VAV1: variants seen among roughly 807,000 people sequenced by gnomAD.
The protein encoded by VAV1 is proto-oncogene vav.
In VAV1, 33 loss-of-function variants were observed where a neutral mutation model predicts 128.1. That is an observed-to-expected ratio of 0.26 (90% CI 0.20 to 0.34). The LOEUF (loss-of-function observed/expected upper bound fraction) is 0.34. Ranked by LOEUF, VAV1 falls within the 10% of genes least tolerant of loss-of-function variation. The probability of loss-of-function intolerance (pLI) is 1.00; values close to 1 mark genes in which losing one functional copy is unlikely to be tolerated. For synonymous variants in VAV1, 394 were observed against 409.8 expected, an observed-to-expected ratio of 0.96 and a Z score of 0.47; for missense variants, 715 against 1,093.7, an observed-to-expected ratio of 0.65 and a Z score of 4.88.
chr19:6,853,870 C>T, intron 25 of VAV1, 77 bp from the exon 26 acceptor site: 1 of 1,558,164 alleles, frequency 6.4e-7, no homozygotes, highest in Non-Finnish European at 8.7e-7. Context: ...GAGTTACTGT[C>T]CTGAGAGCTT....
chr19:6,780,296 T>C (rs1251190080), intron 1 of VAV1, among the ~76,000 whole-genome samples: 1 of 149,998 alleles, frequency 6.7e-6, no homozygotes, highest in African/African-American at 2.4e-5. Context: ...GGGGGATAAG[T>C]GTATTATTAT....
intron 1 of VAV1, among the ~76,000 whole-genome samples, chr19:6,782,719 AAT>A (rs148255206): frequency 2.0e-5 from 3 of 151,250 alleles, no homozygotes. Context: ...ATCTCTACAA[AAT>A]ATATATATAT....
At position 6,832,167 on chromosome 19, in the gene VAV1, A is replaced by T; in HGVS notation, c.1475A>T (p.Lys492Met). The T allele has an allele frequency of 1.2e-6, 2 of 1,614,146 alleles. No homozygotes were observed. Among genetic ancestry groups the T allele is most frequent in the Non-Finnish European group, 1.7e-6 (2 of 1,180,004 alleles). ...CTGTTCTTCAAGACAAGAGAATTGA[A>T]GAAGAAGTGGATGGAGCAGTTTGAG... ...YELFFKTREL[K>M]KKWMEQFEMA... is the part of the protein sequence containing the mutation. The change falls in exon 15 of 27, where the codon AAG becomes ATG. Residue 492 changes from lysine to methionine, a missense_variant. By Grantham distance (95) the Lys-to-Met change is moderately conservative (BLOSUM62 -1). Transcript: ENST00000602142.
intron 19 of VAV1, among the ~76,000 whole-genome samples, chr19:6,835,428 A>T (rs1351034353): frequency 6.6e-6 from 1 of 152,024 alleles, no homozygotes; most frequent in Non-Finnish European, 1.5e-5. Context: ...TCACCTTAAA[A>T]ATTTTTTTGC....
At chr19:6,855,471 G>C (rs1050551313) in intron 26 of VAV1, among the ~76,000 whole-genome samples, 14 of 150,722 alleles carry the variant, frequency 9.3e-5, no homozygotes, top group Admixed American at 8.6e-4. Context: ...ATCCATCTTA[G>C]CCTATGCATC....
At chr19:6,851,153 T>C (rs1210724603) in intron 24 of VAV1, among the ~76,000 whole-genome samples, 1 of 151,840 alleles carries the variant, frequency 6.6e-6, no homozygotes, top group Non-Finnish European at 1.5e-5. Flanking sequence ...TGTTTATTTT[T>C]ATATATATAG....
chr19:6,850,790 C>A (rs1230553060), intron 24 of VAV1, 33 bp downstream of exon 24: 1 of 1,610,670 alleles, frequency 6.2e-7, no homozygotes, highest in Non-Finnish European at 8.5e-7. Flanking sequence ...TCCCAGCTTT[C>A]CAGAACCTAG....
intron 1 of VAV1, among the ~76,000 whole-genome samples, chr19:6,805,774 T>C (rs749907213): frequency 2.6e-5 from 4 of 151,692 alleles, no homozygotes; most frequent in Admixed American, 6.6e-5. Context: ...ACACACTATA[T>C]GAATATTATA....
chr19:6,798,788 G>C (rs1336445007), intron 1 of VAV1, among the ~76,000 whole-genome samples: 1 of 152,108 alleles, frequency 6.6e-6, no homozygotes, highest in Non-Finnish European at 1.5e-5. Context: ...TGGGATTACA[G>C]GTGTGTGCCA....
intron 1 of VAV1, among the ~76,000 whole-genome samples, chr19:6,781,941 G>C (rs1013885348): frequency 6.6e-6 from 1 of 152,110 alleles, no homozygotes; most frequent in Non-Finnish European, 1.5e-5. Flanking sequence ...TAAATTGCAA[G>C]TCAGGTATTT....
intron 1 of VAV1, among the ~76,000 whole-genome samples, chr19:6,802,010 C>G (rs1161681488): frequency 7.3e-6 from 1 of 137,590 alleles, no homozygotes; most frequent in Non-Finnish European, 1.6e-5. Flanking sequence ...GGGGTTGCCC[C>G]CAGCAGGGAG....
chr19:6,827,892 C>T (rs1971957902), intron 9 of VAV1, among the ~76,000 whole-genome samples, 184 bp from the exon 10 acceptor site: 1 of 152,142 alleles, frequency 6.6e-6, no homozygotes, highest in South Asian at 2.1e-4. Context: ...AAGCTGCCCC[C>T]ACCTCATGGA....
At position 6,828,568 on chromosome 19, in the gene VAV1, T is replaced by G; in HGVS notation, c.1093-54T>G. On this transcript the variant is annotated intron_variant, in intron 11 of 26. Coordinates refer to ENST00000602142, the MANE Select transcript of VAV1 (RefSeq NM_005428.4). This position sits in a 1 kb window ranked among gnomAD's most constrained non-coding sequence, Gnocchi z 4.5. ...GGCTGATCCTCTAGCCGGGATTAGGTAGGAGCCTGGGTCGGCTGTTGGGGG... is the reference window on the plus strand; with the variant it reads ...GGCTGATCCTCTAGCCGGGATTAGGGAGGAGCCTGGGTCGGCTGTTGGGGG... 5 of 1,613,570 alleles carry G rather than the reference T, an allele frequency of 3.1e-6. No individual in the cohort carries two copies. The highest frequency in any genetic ancestry group is 8.5e-7 in the Non-Finnish European group (1 of 1,179,584).
chr19:6,857,054 G>C lies in VAV1; in HGVS notation c.2485G>C (p.Val829Leu). ...GWWRGEIYGRVGWFPANYVEE... is the reference protein window; with the variant it reads ...GWWRGEIYGRLGWFPANYVEE... ...TGATGAACTCCTCGTCTGTTTCCAG[G>C]TTGGCTGGTTCCCTGCCAACTACGT... is the stretch of plus-strand genomic sequence containing the variant. Residue 829 changes from valine to leucine, a missense_variant and splice_region_variant, in exon 27 of 27, where the codon GTT (valine) becomes CTT (leucine). Val to Leu is a conservative substitution (Grantham distance 32). Around this residue, in one of 3 missense-constraint regions of VAV1, gnomAD observed 407 missense variants for 580.6 expected, o/e 0.70. Coordinates refer to ENST00000602142, the MANE Select transcript of VAV1 (RefSeq NM_005428.4). 1.2e-6 allele frequency: 2 copies of C among 1,614,140 alleles called. No individual in the cohort carries two copies. Among genetic ancestry groups the C allele is most frequent in the Non-Finnish European group, 1.7e-6 (2 of 1,180,010 alleles).
intron 19 of VAV1, among the ~76,000 whole-genome samples, chr19:6,834,183 G>T (rs1972162267): frequency 6.6e-6 from 1 of 151,546 alleles, no homozygotes; most frequent in South Asian, 2.1e-4. Context: ...ATGAGGTCTT[G>T]CTACGTTGCC....
chr19:6,814,881 G>A (rs1568299561), intron 1 of VAV1, among the ~76,000 whole-genome samples: 1 of 151,584 alleles, frequency 6.6e-6, no homozygotes. Flanking sequence ...TTTCGGTCTA[G>A]GTTTTCTGAA....
chr19:6,794,348 A>G lies in VAV1; in HGVS notation c.204+21337A>G, dbSNP rs943411860. 2.0e-5 allele frequency among the ~76,000 whole-genome samples: 3 copies of G among 152,254 alleles called. No homozygotes were observed. In the South Asian group the frequency reaches 6.2e-4, roughly 32 times the overall value. ...GGAGAGGAGAATACAGTGACTGAAG[A>G]GGAAAACCAGGCCAGGCGTGGTGGC... is the stretch of plus-strand genomic sequence containing the variant. On this transcript the variant is annotated intron_variant, in intron 1 of 26. Transcript: ENST00000602142.
intron 1 of VAV1, among the ~76,000 whole-genome samples, chr19:6,783,051 A>T (rs1167805683): frequency 2.0e-5 from 3 of 151,678 alleles, no homozygotes; most frequent in Non-Finnish European, 4.4e-5. Context: ...GTGGTGGTGT[A>T]TGCCTGTAGT....
rs376899255 is a variant in VAV1 at position 6,854,114 on chromosome 19, C to A, written c.2484+16C>A. 3.1e-6 allele frequency: 5 copies of A among 1,610,966 alleles called. No homozygotes were observed. The African/African-American group carries it at 6.7e-5, about 22-fold the overall frequency. On this transcript the variant is annotated intron_variant, in intron 26 of 26. Coordinates refer to ENST00000602142, the MANE Select transcript of VAV1 (RefSeq NM_005428.4). ...CTATGGCCGGGTGAGGCAGGCAGGG[C>A]TGGGTGACGGGGAGGGCATGGGGGT...
Sources: allele counts gnomAD v4.1 joint callset (sites outside exome capture counted in the v4.1 genomes callset), GRCh38; gene constraint gnomAD v4.1.1; regional missense constraint gnomAD v4.1.1; non-coding constraint Gnocchi (gnomAD v3.1); transcripts MANE v1.5; gene names NCBI Gene and HGNC (gene_info 2026-07-23, HGNC 2026-07-21).